Variants in GRIA2 observed in about 807,000 individuals in gnomAD.
The protein encoded by GRIA2 is glutamate receptor 2.
In GRIA2, 14 loss-of-function variants were observed where a neutral mutation model predicts 97.3. The ratio of observed to expected loss-of-function variants is 0.14; its 90% CI spans 0.10 to 0.23. The LOEUF is 0.23. Ranked by LOEUF, GRIA2 falls within the 10% of genes least tolerant of loss-of-function variation. The pLI is 1.00. For synonymous variants in GRIA2, 412 were observed against 387.8 expected (o/e 1.06, Z -0.73); for missense variants, 558 against 1,069.8 (o/e 0.52, Z 6.67).
chr4:157,221,525 C>T (rs1426152509), intron 1 of GRIA2, 142 bp from the exon 2 acceptor site: 4 of 839,718 alleles, frequency 4.8e-6, no homozygotes, highest in East Asian at 2.5e-5. Flanking sequence ...ATTCCACCCC[C>T]GCTGTCCGAG....
intron 2 of GRIA2, among the ~76,000 whole-genome samples, chr4:157,253,308 G>A (rs1465076458): frequency 1.3e-5 from 2 of 151,868 alleles, no homozygotes; most frequent in African/African-American, 4.8e-5. Flanking sequence ...GTAGAGACAG[G>A]GTTTTGCCAC....
At chr4:157,363,179 C>T in intron 15 of GRIA2, 132 bp downstream of exon 15, 1 of 972,640 alleles carries the variant, frequency 1.0e-6, no homozygotes, top group Non-Finnish European at 1.5e-6. Flanking sequence ...TCCATGTTCC[C>T]AGTTGGTGAC....
chr4:157,243,132 A>G (rs994978864), intron 2 of GRIA2, among the ~76,000 whole-genome samples: 1 of 152,092 alleles, frequency 6.6e-6, no homozygotes, highest in Non-Finnish European at 1.5e-5. Context: ...TGAGCTGGGT[A>G]ACAATTTTTC....
At chr4:157,333,876 G>T (rs1735167643) in intron 8 of GRIA2, 134 bp from the exon 9 acceptor site, 1 of 560,736 alleles carries the variant, frequency 1.8e-6, no homozygotes, top group South Asian at 2.7e-5. Context: ...ATATATAAAA[G>T]ACATTTCTAT....
At chr4:157,277,259 C>G (rs1245989951) in intron 2 of GRIA2, among the ~76,000 whole-genome samples, 6 of 151,852 alleles carry the variant, frequency 4.0e-5, no homozygotes, top group Admixed American at 2.6e-4. Context: ...TGTAATCTAT[C>G]ACATCAACAA....
chr4:157,312,621 C>T (rs755583716), intron 3 of GRIA2, 58 bp from the exon 4 acceptor site: 1 of 955,398 alleles, frequency 1.0e-6, no homozygotes, highest in Non-Finnish European at 1.5e-6. Context: ...AATTTCATAA[C>T]ACAATCCTGA....
intron 2 of GRIA2, among the ~76,000 whole-genome samples, chr4:157,284,713 G>T (rs777875317): frequency 1.4e-4 from 21 of 151,716 alleles, no homozygotes; most frequent in Non-Finnish European, 2.5e-4. Flanking sequence ...CAAGCAGATT[G>T]ACTATCTTCT....
At chr4:157,322,758 A>C (rs1399148683) in intron 6 of GRIA2, among the ~76,000 whole-genome samples, 1 of 152,180 alleles carries the variant, frequency 6.6e-6, no homozygotes, top group Non-Finnish European at 1.5e-5. Flanking sequence ...TTATAAAGCA[A>C]TTGTATATGA....
chr4:157,227,333 C>T (rs1393591442), intron 2 of GRIA2, among the ~76,000 whole-genome samples: 1 of 152,090 alleles, frequency 6.6e-6, no homozygotes, highest in African/African-American at 2.4e-5. Context: ...TCCAATAACA[C>T]TTAGCAAACT....
chr4:157,320,701 T>C (rs1475654691), intron 5 of GRIA2, among the ~76,000 whole-genome samples: 1 of 152,112 alleles, frequency 6.6e-6, no homozygotes, highest in African/African-American at 2.4e-5. Context: ...TACAATAAGA[T>C]AAATATTTGT....
chr4:157,241,181 G>A (rs903566104), intron 2 of GRIA2, among the ~76,000 whole-genome samples: 12 of 152,056 alleles, frequency 7.9e-5, no homozygotes, highest in Admixed American at 1.3e-4. Flanking sequence ...TCTCATATGT[G>A]ATTGAAGGCT....
At chr4:157,276,990 A>T (rs1167554281) in intron 2 of GRIA2, among the ~76,000 whole-genome samples, 1 of 151,950 alleles carries the variant, frequency 6.6e-6, no homozygotes, top group African/African-American at 2.4e-5. Flanking sequence ...TATTTAAGGA[A>T]GATATGCCAA....
intron 2 of GRIA2, among the ~76,000 whole-genome samples, chr4:157,258,856 G>A (rs776146465): frequency 2.1e-4 from 32 of 152,026 alleles, no homozygotes; most frequent in Non-Finnish European, 3.8e-4. Context: ...ATTATCGGGG[G>A]CGGGTTCCCC....
At position 157,287,459 on chromosome 4, in the gene GRIA2, C is replaced by T. The variant is rs553382646; in HGVS notation, c.230-16093C>T. ...AAAAGTTTTGAGCTTACAGTTGGGT[C>T]TCATTAATCTGTTGGAATCCTAGGT... On this transcript the variant is annotated intron_variant, in intron 2 of 15. Coordinates refer to ENST00000264426, the MANE Select transcript of GRIA2 (RefSeq NM_001083619.3). Among the ~76,000 whole-genome samples, 228 of 151,464 alleles carry T rather than the reference C, an allele frequency of 1.5e-3. 1 individual carries two copies. The highest frequency in any genetic ancestry group is 5.4e-3 in the African/African-American group (222 of 41,398).
chr4:157,283,185 G>A (rs1360702285), intron 2 of GRIA2, among the ~76,000 whole-genome samples: 2 of 151,886 alleles, frequency 1.3e-5, no homozygotes, highest in East Asian at 1.9e-4. Context: ...CACTGTAAGA[G>A]CCTCTCAAAG....
Position 157,360,001 on chromosome 4 carries a change from T to C in GRIA2, c.2149T>C (p.Ser717Pro), listed in dbSNP as rs749173821. ...TAEGVARVRK[S>P]KGKYAYLLES... ...CGAAGGGGTGGCTAGAGTGCGGAAGTCCAAAGGGAAATATGCCTACTTGTT... is the reference window on the plus strand; with the variant it reads ...CGAAGGGGTGGCTAGAGTGCGGAAGCCCAAAGGGAAATATGCCTACTTGTT... Residue 717 changes from serine (S) to proline (P), a missense_variant, in exon 13 of 16, where the codon TCC becomes CCC. This residue lies in a region of GRIA2 where 125 missense variants were observed against 310.2 expected (regional missense o/e 0.40). Transcript: ENST00000264426. The C allele has an allele frequency of 1.2e-6, 2 of 1,613,868 alleles. No individual in the cohort carries two copies. The highest frequency in any genetic ancestry group is 1.7e-6 in the Non-Finnish European group (2 of 1,179,902).
intron 12 of GRIA2, among the ~76,000 whole-genome samples, chr4:157,356,734 T>C (rs1033852172): frequency 2.6e-5 from 4 of 152,130 alleles, no homozygotes; most frequent in Admixed American, 6.6e-5. Flanking sequence ...GTTGACCACA[T>C]GGTATTACAT....
intron 2 of GRIA2, among the ~76,000 whole-genome samples, chr4:157,297,219 T>C (rs1435603821): frequency 1.3e-5 from 2 of 152,050 alleles, no homozygotes; most frequent in African/African-American, 4.8e-5. Context: ...ATGGGCAATA[T>C]TTGGTGACAA....
intron 12 of GRIA2, among the ~76,000 whole-genome samples, chr4:157,349,069 G>T (rs2126967395): frequency 6.6e-6 from 1 of 152,242 alleles, no homozygotes; most frequent in East Asian, 1.9e-4. Flanking sequence ...GACTATTGAT[G>T]GAACAACTTT....
Sources: allele counts gnomAD v4.1 joint callset (sites outside exome capture counted in the v4.1 genomes callset), GRCh38; gene constraint gnomAD v4.1.1; regional missense constraint gnomAD v4.1.1; transcripts MANE v1.5; gene names NCBI Gene and HGNC (gene_info 2026-07-23, HGNC 2026-07-21).